SYNE2: variants seen among roughly 807,000 people sequenced by gnomAD.
The protein encoded by SYNE2 is nesprin-2.
In SYNE2, 431 loss-of-function variants were observed where a neutral mutation model predicts 856.3. The observed-to-expected ratio is 0.50, with a 90% CI of 0.47 to 0.55. The LOEUF is 0.55. Ranked by LOEUF, SYNE2 falls within the 20% of genes least tolerant of loss-of-function variation. SYNE2 has a pLI of 0.00. For missense variants in SYNE2, 8,129 were observed against 8,023.2 expected, an observed-to-expected ratio of 1.01 and a Z score of -0.50; for synonymous variants, 2,923 against 2,872.3, an observed-to-expected ratio of 1.02 and a Z score of -0.56.
Position 64,143,926 on chromosome 14 carries a change from T to C in SYNE2, c.15461T>C (p.Val5154Ala). Reference protein sequence around the residue: ...LGEMNRQWHRVHGMLNRKIQH... With the variant: ...LGEMNRQWHRAHGMLNRKIQH... ...GAGATGAACCGCCAGTGGCACCGTG[T>C]ACATGGAATGCTGAATAGAAAGGTG... Residue 5154 changes from valine (V) to alanine (A), a missense_variant, in exon 83 of 116, where the codon GTA becomes GCA. By Grantham distance (64) the Val-to-Ala change is moderately conservative. Transcript: ENST00000555002. The C allele has an allele frequency of 6.2e-7, 1 of 1,614,204 alleles. No homozygotes were observed. Among genetic ancestry groups the C allele is most frequent in the South Asian group, 1.1e-5 (1 of 91,078 alleles).
chr14:64,172,878 C>T (rs922368921), intron 94 of SYNE2, among the ~76,000 whole-genome samples: 41 of 150,662 alleles, frequency 2.7e-4, no homozygotes, highest in African/African-American at 9.8e-4. Context: ...GAGGCTGCAA[C>T]GAGCCATGGT....
rs539823053 is a variant in SYNE2, at chr14:64,203,927, G to A, written c.18201+964G>A. 1.3e-4 allele frequency among the ~76,000 whole-genome samples: 20 copies of A among 152,170 alleles called. 1 individual carries two copies. The highest frequency in any genetic ancestry group is 3.9e-4 in the East Asian group (2 of 5,180). ...AGATGGAGTCTCACTATATTGCCCC[G>A]GCTGGTCTTTAACTTCTGGGCTCAA... On this transcript the variant is annotated intron_variant, in intron 100 of 115. Transcript: ENST00000555002.
At position 64,159,407 on chromosome 14, in the gene SYNE2, A is replaced by C; in HGVS notation, c.16059A>C (p.Glu5353Asp). Residue 5353 changes from glutamate to aspartate, a missense_variant, in exon 87 of 116, where the codon GAA becomes GAC. Glu to Asp is a conservative substitution (Grantham distance 45). This residue lies in a region of SYNE2 where 5,410 missense variants were observed against 5,284.8 expected (regional missense o/e 1.02). Coordinates refer to ENST00000555002, the MANE Select transcript of SYNE2 (RefSeq NM_182914.3). ...AAGGTCTCTGCCCCTCTGTTGCTGAAATAATCGAAGAGAAATGCCAAAATA... is the reference window on the plus strand; with the variant it reads ...AAGGTCTCTGCCCCTCTGTTGCTGACATAATCGAAGAGAAATGCCAAAATA... ...KLKGLCPSVA[E>D]IIEEKCQNTH... 1 of 1,613,970 alleles carries C rather than the reference A, an allele frequency of 6.2e-7. No homozygotes were observed. Among genetic ancestry groups the C allele is most frequent in the Non-Finnish European group, 8.5e-7 (1 of 1,179,876 alleles).
At chr14:63,842,271 A>T (rs1003616274) in intron 1 of SYNE2, among the ~76,000 whole-genome samples, 1 of 151,966 alleles carries the variant, frequency 6.6e-6, no homozygotes, top group Non-Finnish European at 1.5e-5. Flanking sequence ...TGCCAGGCTC[A>T]AGCAATTCTT....
intron 8 of SYNE2, among the ~76,000 whole-genome samples, 186 bp from the exon 9 acceptor site, chr14:63,961,339 A>G (rs1031651517): frequency 6.6e-6 from 1 of 152,244 alleles, no homozygotes; most frequent in Non-Finnish European, 1.5e-5. Context: ...GTATAGATCT[A>G]AACTCTTAGC....
chr14:64,063,984 CA>C (rs2097337972), intron 50 of SYNE2, among the ~76,000 whole-genome samples: 2 of 152,102 alleles, frequency 1.3e-5, no homozygotes, highest in Admixed American at 1.3e-4. Context: ...ACAACAATAA[CA>C]GAGAAATTAT....
chr14:63,778,720 G>A (rs1189554849), intron 1 of SYNE2, among the ~76,000 whole-genome samples: 1 of 152,198 alleles, frequency 6.6e-6, no homozygotes, highest in African/African-American at 2.4e-5. Context: ...TCACTCTGTT[G>A]CCCAGGCTGG....
At chr14:63,912,561 T>C (rs1034444123) in intron 2 of SYNE2, among the ~76,000 whole-genome samples, 1 of 152,190 alleles carries the variant, frequency 6.6e-6, no homozygotes, top group African/African-American at 2.4e-5. Flanking sequence ...AAGTTTTTAT[T>C]TTTCTTTGTT....
Position 63,923,900 on chromosome 14 carries a change from G to A in SYNE2, c.79+14673G>A, listed in dbSNP as rs540210866. 1.0e-3 allele frequency among the ~76,000 whole-genome samples: 156 copies of A among 152,074 alleles called. 1 individual carries two copies. The highest frequency in any genetic ancestry group is 1.6e-3 in the Non-Finnish European group (107 of 67,984). On this transcript the variant is annotated intron_variant, in intron 2 of 115. Transcript: ENST00000555002. ...TGCAATCTCTGCCTCCTGGGCTCAA[G>A]CAATCCTTTCACTTCAGCTTCCTGA...
chr14:63,807,839 A>G (rs1888432145), intron 1 of SYNE2, among the ~76,000 whole-genome samples: 1 of 94,794 alleles, frequency 1.1e-5, no homozygotes, highest in Admixed American at 1.2e-4. Context: ...ATATATATAT[A>G]TATATATATA....
chr14:63,814,085 A>C (rs924149572), intron 1 of SYNE2, among the ~76,000 whole-genome samples: 15 of 151,252 alleles, frequency 9.9e-5, no homozygotes, highest in African/African-American at 3.6e-4. Flanking sequence ...CAACAACAAC[A>C]ACAACAGCAA....
intron 78 of SYNE2, among the ~76,000 whole-genome samples, chr14:64,135,918 C>A (rs2098084017): frequency 1.3e-5 from 2 of 152,100 alleles, no homozygotes; most frequent in African/African-American, 4.8e-5. Context: ...AGTTGTCTGG[C>A]CTTTGAAGTC....
At position 64,210,272 on chromosome 14, in the gene SYNE2, C is replaced by G. The variant is rs1280794724; in HGVS notation, c.18723+148C>G. The G allele has an allele frequency of 1.4e-5, 15 of 1,062,896 alleles. No individual in the cohort carries two copies. The South Asian group carries it at 2.0e-4, about 14-fold the overall frequency. 65.8% of individuals were successfully genotyped at this position (1,062,896 alleles called of 1,614,324 possible). ...TAACAGTCCTCCAACACAAAGAAGCCCAAAGCTGCCAACGTTCGTTTTTTA... is the reference window on the plus strand; with the variant it reads ...TAACAGTCCTCCAACACAAAGAAGCGCAAAGCTGCCAACGTTCGTTTTTTA... On this transcript the variant is annotated intron_variant, in intron 103 of 115. Coordinates refer to ENST00000555002, the MANE Select transcript of SYNE2 (RefSeq NM_182914.3).
At chr14:63,948,481 G>A (rs920277317) in intron 6 of SYNE2, among the ~76,000 whole-genome samples, 9 of 151,558 alleles carry the variant, frequency 5.9e-5, no homozygotes, top group Admixed American at 6.6e-5. Flanking sequence ...GACCGACATG[G>A]TGGAACCCTG....
rs752437538 is a variant in SYNE2 at position 64,049,711 on chromosome 14, A to G, written c.7478A>G (p.Asn2493Ser). 7 of 1,614,050 alleles carry G rather than the reference A, an allele frequency of 4.3e-6. No individual in the cohort carries two copies. The East Asian group carries it at 8.9e-5, about 21-fold the overall frequency. Residue 2493 changes from asparagine to serine, a missense_variant, in exon 47 of 116, where the codon AAT becomes AGT. Asn to Ser is a conservative substitution (Grantham distance 46, BLOSUM62 1). Transcript: ENST00000555002. ...GAAACTGGGGCCTTGGTTCTCCACA[A>G]TATAGGATATTCGGCACAGCATTTG... ...KTETGALVLH[N>S]IGYSAQHLDN... is the part of the protein sequence containing the mutation.
chr14:63,783,231 C>T lies in SYNE2; in HGVS notation c.-305+21245C>T, dbSNP rs543651003. ...TATAAGTGTTTGGTAGTTCCTCCTG[C>T]GCTAATTCTCCTTTTTGCGGCCTTG... On this transcript the variant is annotated intron_variant, in intron 1 of 23. Coordinates refer to the SYNE2 transcript ENST00000674003. Among the ~76,000 whole-genome samples, 31 of 152,172 alleles carry T rather than the reference C, an allele frequency of 2.0e-4. 1 individual carries two copies. Among genetic ancestry groups the T allele is most frequent in the Admixed American group, 2.0e-3 (31 of 15,258 alleles).
At chr14:64,088,696 C>T (rs1384298359) in intron 58 of SYNE2, among the ~76,000 whole-genome samples, 1 of 152,156 alleles carries the variant, frequency 6.6e-6, no homozygotes, top group Non-Finnish European at 1.5e-5. Context: ...TGTTATTTGC[C>T]AGCCTCTGGA....
chr14:63,923,663 A>G (rs2095626826), intron 2 of SYNE2, among the ~76,000 whole-genome samples: 1 of 152,252 alleles, frequency 6.6e-6, no homozygotes, highest in Admixed American at 6.5e-5. Context: ...TATAGATATT[A>G]GCTAATATTT....
intron 1 of SYNE2, among the ~76,000 whole-genome samples, chr14:63,821,622 T>C (rs775337408): frequency 2.0e-5 from 3 of 150,564 alleles, no homozygotes; most frequent in East Asian, 3.9e-4. Flanking sequence ...GGCATGGCAG[T>C]GCACGCCTGT....
Sources: gnomAD v4.1 joint callset for allele counts (sites outside exome capture counted in the v4.1 genomes callset) on GRCh38, gnomAD v4.1.1 for gene constraint, gnomAD v4.1.1 regional missense constraint, MANE v1.5 for transcripts, NCBI Gene and HGNC (gene_info 2026-07-23, HGNC 2026-07-21) for gene names.